The following DLG2 variants were observed in gnomAD, a reference collection of about 807,000 sequenced individuals.
DLG2 encodes discs large MAGUK scaffold protein 2.
In DLG2, 45 loss-of-function variants were observed where a neutral mutation model predicts 132.5. That is an observed-to-expected ratio of 0.34 (90% confidence interval 0.27 to 0.44). The LOEUF is 0.44. Among genes scored for constraint, DLG2 ranks in the 20% least tolerant of loss-of-function variants. The pLI is 1.00. For missense variants in DLG2, 1,045 were observed against 1,196.9 expected, an observed-to-expected ratio of 0.87 and a Z score of 1.87; for synonymous variants, 424 against 419.6, an observed-to-expected ratio of 1.01 and a Z score of -0.13.
In DLG2 at chr11:84,328,291, A is replaced by AGAAG. The variant is rs201458752; in HGVS notation, c.520-77004_520-77001dup. Among the ~76,000 whole-genome samples, 97 of 151,814 alleles carry AGAAG rather than the reference A, an allele frequency of 6.4e-4. 1 individual carries two copies. Among genetic ancestry groups the AGAAG allele is most frequent in the African/African-American group, 2.2e-3 (92 of 41,468 alleles). Reference sequence around the variant, plus strand: ...GAAGGAAGGAAGTTGGAAGGAAGCTAGAAGGAAGGAAGGAAGGAAGGGTGG... The same window carrying AGAAG: ...GAAGGAAGGAAGTTGGAAGGAAGCTAGAAGGAAGGAAGGAAGGAAGGAAGGGTGG... On this transcript the variant is annotated intron_variant, in intron 7 of 27. Transcript: ENST00000376104.
intron 15 of DLG2, among the ~76,000 whole-genome samples, chr11:83,926,177 T>C (rs2078945447): frequency 6.6e-6 from 1 of 152,172 alleles, no homozygotes; most frequent in African/African-American, 2.4e-5. Context: ...ATGTTTGCTA[T>C]TAATTCAAAG....
rs567247962 is a variant in DLG2, at chr11:83,843,406, C to T, written c.1566-9636G>A. Among the ~76,000 whole-genome samples, 10 of 152,314 alleles carry T rather than the reference C, an allele frequency of 6.6e-5. No individual in the cohort carries two copies. In the East Asian group the frequency reaches 1.9e-3, roughly 29 times the overall value. ...TCCAGAAGAACTGACTTTTTTGAAA[C>T]CACATTGTCCTTTCATTGATCACAC... On this transcript the variant is annotated intron_variant, in intron 16 of 27. Coordinates refer to ENST00000376104, the MANE Select transcript of DLG2 (RefSeq NM_001142699.3).
chr11:85,018,590 G>C (rs2059764719), intron 6 of DLG2, among the ~76,000 whole-genome samples: 1 of 152,100 alleles, frequency 6.6e-6, no homozygotes, highest in African/African-American at 2.4e-5. Flanking sequence ...GATTAGAACA[G>C]AGATATCCCT....
chr11:83,837,674 C>T (rs757928925), intron 16 of DLG2, among the ~76,000 whole-genome samples: 2 of 119,004 alleles, frequency 1.7e-5, no homozygotes, highest in Non-Finnish European at 3.2e-5. Flanking sequence ...TACTTATTGG[C>T]GGTTCCAGGC....
intron 4 of DLG2, among the ~76,000 whole-genome samples, chr11:85,172,562 T>A (rs2078951733): frequency 6.6e-6 from 1 of 152,166 alleles, no homozygotes; most frequent in South Asian, 2.1e-4. Flanking sequence ...CCTTTTCTCC[T>A]CCAAATGACT....
chr11:84,292,814 G>A (rs989219654), intron 7 of DLG2, among the ~76,000 whole-genome samples: 6 of 152,016 alleles, frequency 3.9e-5, no homozygotes, highest in African/African-American at 1.2e-4. Flanking sequence ...TAAAGGCAGG[G>A]GGGTCCAATC....
intron 6 of DLG2, among the ~76,000 whole-genome samples, chr11:84,842,915 C>G (rs560501866): frequency 1.7e-4 from 26 of 151,836 alleles, no homozygotes; most frequent in Non-Finnish European, 3.5e-4. Flanking sequence ...AAAAATTGGC[C>G]GAGTTATGTA....
At chr11:83,699,394 T>G (rs2082465863) in intron 18 of DLG2, among the ~76,000 whole-genome samples, 1 of 151,860 alleles carries the variant, frequency 6.6e-6, no homozygotes, top group Non-Finnish European at 1.5e-5. Flanking sequence ...GACACATCAT[T>G]AAGTAAAAAA....
intron 4 of DLG2, among the ~76,000 whole-genome samples, chr11:85,159,573 T>A (rs536501884): frequency 6.6e-6 from 1 of 152,212 alleles, no homozygotes; most frequent in African/African-American, 2.4e-5. Flanking sequence ...CAGAAGACAG[T>A]TGGATCTTGG....
intron 18 of DLG2, among the ~76,000 whole-genome samples, chr11:83,719,980 T>G (rs1197287830): frequency 1.3e-5 from 2 of 152,050 alleles, no homozygotes; most frequent in Admixed American, 6.6e-5. Context: ...ATACTGTGAA[T>G]AAGAAAATCT....
chr11:83,651,629 G>A (rs1159877027), intron 18 of DLG2: 1 of 266,640 alleles, frequency 3.8e-6, no homozygotes, highest in Non-Finnish European at 7.7e-6. Flanking sequence ...TGAAGAAGAA[G>A]AAAGAAGAGG....
chr11:85,620,413 T>C (rs1409962991), intron 2 of DLG2, among the ~76,000 whole-genome samples: 1 of 152,218 alleles, frequency 6.6e-6, no homozygotes, highest in Non-Finnish European at 1.5e-5. Flanking sequence ...AAGGAAACGT[T>C]ACACATTTCT....
rs543765921 is a variant in DLG2 at position 84,536,938 on chromosome 11, G to A, written c.358-2207C>T. Among the ~76,000 whole-genome samples the A allele has an allele frequency of 6.6e-5, 10 of 152,188 alleles. No homozygotes were observed. In the East Asian group the frequency reaches 9.7e-4, roughly 15 times the overall value. ...GGCTAGCCTGTCTGTGGGGTTGCCC[G>A]TTTCCCATAAATTCTCTACACTGAT... On this transcript the variant is annotated intron_variant, in intron 6 of 27. Coordinates refer to ENST00000376104, the MANE Select transcript of DLG2 (RefSeq NM_001142699.3).
Position 83,982,935 on chromosome 11 carries a change from C to T in DLG2, c.920-2293G>A, listed in dbSNP as rs78026453. Among the ~76,000 whole-genome samples, 3 of 152,216 alleles carry T rather than the reference C, an allele frequency of 2.0e-5. No individual in the cohort carries two copies. In the East Asian group the frequency reaches 5.8e-4, roughly 29 times the overall value. On this transcript the variant is annotated intron_variant, in intron 11 of 27. Transcript: ENST00000376104. ...GTACGCAGTATAGTAACATGGTATA[C>T]AGGTTTGTATCCAAGGAACAACAGG...
intron 10 of DLG2, among the ~76,000 whole-genome samples, chr11:84,085,992 T>C (rs1297034627): frequency 6.6e-6 from 1 of 152,232 alleles, no homozygotes; most frequent in Non-Finnish European, 1.5e-5. Context: ...AGATAATTTT[T>C]ATACAATGTT....
intron 16 of DLG2, among the ~76,000 whole-genome samples, chr11:83,845,531 C>A (rs1284930710): frequency 1.3e-5 from 2 of 152,154 alleles, no homozygotes; most frequent in Non-Finnish European, 2.9e-5. Flanking sequence ...TTTTGTTGAA[C>A]TGCTATTTGA....
At chr11:85,296,467 C>CTTTTTTTTTTTTTTTTTTTTTTTTTTT (rs66526147) in intron 3 of DLG2, among the ~76,000 whole-genome samples, 2 of 121,554 alleles carry the variant, frequency 1.6e-5, no homozygotes, top group African/African-American at 6.2e-5. Context: ...TTTCGATTTT[C>CTTTTTTTTTTTTTTTTTTTTTTTTTTT]TTTTTTTTTT....
chr11:85,385,053 C>T (rs1246968759), intron 3 of DLG2, among the ~76,000 whole-genome samples: 1 of 152,188 alleles, frequency 6.6e-6, no homozygotes, highest in Non-Finnish European at 1.5e-5. Context: ...GCCCTGCCTC[C>T]TACTTACAGT....
chr11:85,340,081 C>T (rs867040105), intron 3 of DLG2, among the ~76,000 whole-genome samples: 2 of 152,118 alleles, frequency 1.3e-5, no homozygotes, highest in South Asian at 2.1e-4. Flanking sequence ...GACAGTGTGG[C>T]GATTCCTCAA....
Sources: gnomAD v4.1 joint callset for allele counts (sites outside exome capture counted in the v4.1 genomes callset) on GRCh38, gnomAD v4.1.1 for gene constraint, MANE v1.5 for transcripts, NCBI Gene and HGNC (gene_info 2026-07-23, HGNC 2026-07-21) for gene names.